The following RBFOX1 variants were observed in gnomAD, a reference collection of about 807,000 sequenced individuals.
RBFOX1 encodes RNA binding protein fox-1 homolog 1.
Under a neutral mutation model 57.7 loss-of-function variants are expected in RBFOX1, and 8 were observed. The observed-to-expected ratio is 0.14, with a 90% CI of 0.08 to 0.25. RBFOX1 has a LOEUF of 0.25. Among genes scored for constraint, RBFOX1 ranks in the 10% least tolerant of loss-of-function variants. The probability of loss-of-function intolerance (pLI) is 1.00; values close to 1 mark genes in which losing one functional copy is unlikely to be tolerated. For missense variants in RBFOX1, 611 were observed against 548.5 expected, an observed-to-expected ratio of 1.11 and a Z score of -1.14; for synonymous variants, 326 against 222.4, an observed-to-expected ratio of 1.47 and a Z score of -4.15.
At chr16:6,284,714 C>CAT (rs548461848) in intron 1 of RBFOX1, among the ~76,000 whole-genome samples, 49 of 152,162 alleles carry the variant, frequency 3.2e-4, no homozygotes, top group Admixed American at 9.2e-4. Context: ...GTGCAGAATA[C>CAT]CCCTGACCTT....
intron 3 of RBFOX1, among the ~76,000 whole-genome samples, chr16:6,960,973 CA>C (rs1168858782): frequency 0.13 from 4,527 of 36,156 alleles, 101 homozygotes; most frequent in African/African-American, 0.18. Flanking sequence ...ACTGAAAATA[CA>C]AAAAAAAAAA....
chr16:6,837,605 G>A (rs759820939), intron 3 of RBFOX1, among the ~76,000 whole-genome samples: 6 of 152,206 alleles, frequency 3.9e-5, no homozygotes, highest in Non-Finnish European at 8.8e-5. Flanking sequence ...AACAATTTGT[G>A]CAATCTTGGG....
chr16:5,893,610 C>G (rs757721499), intron 4 of RBFOX1, among the ~76,000 whole-genome samples: 6 of 152,072 alleles, frequency 3.9e-5, no homozygotes, highest in Non-Finnish European at 7.4e-5. Flanking sequence ...GGTTCGAGAC[C>G]AACCTGGCCA....
chr16:6,829,489 A>C (rs1464181617), intron 3 of RBFOX1, among the ~76,000 whole-genome samples: 1 of 151,168 alleles, frequency 6.6e-6, no homozygotes. Flanking sequence ...ATTAAAAAAA[A>C]AAAAAACAAA....
intron 4 of RBFOX1, among the ~76,000 whole-genome samples, chr16:7,197,711 T>C (rs1194014523): frequency 6.6e-6 from 1 of 152,166 alleles, no homozygotes. Context: ...AAACTAAATG[T>C]GGTATATCCC....
chr16:7,118,885 A>G lies in RBFOX1; in HGVS notation c.27+66787A>G, dbSNP rs111944032. 8.2e-3 allele frequency among the ~76,000 whole-genome samples: 1,248 copies of G among 152,254 alleles called. 8 individuals carry two copies. Among genetic ancestry groups the G allele is most frequent in the African/African-American group, 0.029 (1,191 of 41,550 alleles). ...TAGAGCACATAGAGAACTTGCTCAG[A>G]TCTCTTAACTGTTGTTGTTCTGGTT... On this transcript the variant is annotated intron_variant, in intron 4 of 15. Transcript: ENST00000550418.
At chr16:6,248,780 A>G (rs549194198) in intron 1 of RBFOX1, among the ~76,000 whole-genome samples, 21 of 152,276 alleles carry the variant, frequency 1.4e-4, no homozygotes, top group African/African-American at 5.1e-4. Context: ...TCACATGCAT[A>G]TTATTTAACC....
intron 2 of RBFOX1, among the ~76,000 whole-genome samples, chr16:6,449,003 T>C (rs1435326020): frequency 6.6e-6 from 1 of 152,162 alleles, no homozygotes; most frequent in Non-Finnish European, 1.5e-5. Context: ...AAACCTACAT[T>C]GAAAAAGAAG....
chr16:6,615,624 T>A (rs2098131022), intron 2 of RBFOX1, among the ~76,000 whole-genome samples: 1 of 152,146 alleles, frequency 6.6e-6, no homozygotes, highest in Non-Finnish European at 1.5e-5. Context: ...AAATTCCTCA[T>A]TTCCTCAAAA....
At chr16:6,560,762 A>T (rs2097169699) in intron 2 of RBFOX1, among the ~76,000 whole-genome samples, 1 of 152,168 alleles carries the variant, frequency 6.6e-6, no homozygotes, top group Admixed American at 6.5e-5. Context: ...TATGTGGTTG[A>T]TGTCTGTCTC....
chr16:6,799,390 C>A (rs1336295333), intron 3 of RBFOX1, among the ~76,000 whole-genome samples: 1 of 152,078 alleles, frequency 6.6e-6, no homozygotes, highest in African/African-American at 2.4e-5. Context: ...ACTGCATTGA[C>A]TTTTGCATTA....
chr16:6,938,800 G>A (rs1335477383), intron 3 of RBFOX1, among the ~76,000 whole-genome samples: 1 of 152,076 alleles, frequency 6.6e-6, no homozygotes, highest in Non-Finnish European at 1.5e-5. Context: ...GGTGTGGTGG[G>A]TTGTGCCTGT....
At chr16:6,853,482 A>G (rs548760805) in intron 3 of RBFOX1, among the ~76,000 whole-genome samples, 2 of 152,196 alleles carry the variant, frequency 1.3e-5, no homozygotes, top group South Asian at 2.1e-4. Flanking sequence ...TGGTGCCTAC[A>G]GTGTGGTGCT....
At position 6,347,705 on chromosome 16, in the gene RBFOX1, C is replaced by A. The variant is rs575552616; in HGVS notation, c.-64+30648C>A. 2.0e-5 allele frequency among the ~76,000 whole-genome samples: 3 copies of A among 152,320 alleles called. No homozygotes were observed. The South Asian group carries it at 6.2e-4, about 32-fold the overall frequency. ...TATTATATCCTATGTTCACAGAGAA[C>A]TTGACACAAATAATATCATAAGACA... On this transcript the variant is annotated intron_variant, in intron 2 of 15. Coordinates refer to ENST00000550418, the MANE Select transcript of RBFOX1 (RefSeq NM_018723.4).
At chr16:6,368,087 A>G (rs75184982) in intron 2 of RBFOX1, among the ~76,000 whole-genome samples, 1 of 152,110 alleles carries the variant, frequency 6.6e-6, no homozygotes, top group South Asian at 2.1e-4. Flanking sequence ...TGTTTCCGTC[A>G]TTTTGTACCC....
chr16:7,236,992 G>A (rs1603427668), intron 4 of RBFOX1, among the ~76,000 whole-genome samples: 1 of 152,206 alleles, frequency 6.6e-6, no homozygotes, highest in Non-Finnish European at 1.5e-5. Flanking sequence ...CTTTGGAAGA[G>A]GCAAGCCGTT....
In RBFOX1 at chr16:7,106,638, C is replaced by T. The variant is rs1170164481; in HGVS notation, c.27+54540C>T. The stretch of plus-strand genomic sequence containing the variant: ...TGGCATAATAATAATAATTTTATTT[C>T]TTGTGTAATGATTTGATTTAATTCA... On this transcript the variant is annotated intron_variant, in intron 4 of 15. Transcript: ENST00000550418. Among the ~76,000 whole-genome samples, 4 of 151,866 alleles carry T rather than the reference C, an allele frequency of 2.6e-5. No individual in the cohort carries two copies. In the East Asian group the frequency reaches 7.7e-4, roughly 29 times the overall value.
chr16:7,526,791 C>G (rs2078805022), intron 5 of RBFOX1, among the ~76,000 whole-genome samples: 1 of 152,202 alleles, frequency 6.6e-6, no homozygotes, highest in Admixed American at 6.5e-5. Flanking sequence ...GAAGTGTTAT[C>G]GTCCCATGTT....
At position 5,620,636 on chromosome 16, in the gene RBFOX1, C is replaced by CA. The variant is rs555446405; in HGVS notation, c.318+21676dup. ...TCCTCACCTCTTCCCATAAGAACAA[C>CA]AGTCTTGTTGGATTAGGGCCACCCT... is the stretch of plus-strand genomic sequence containing the variant. On this transcript the variant is annotated intron_variant, in intron 3 of 19. Transcript: ENST00000641259. Among the ~76,000 whole-genome samples, 40 of 152,232 alleles carry CA rather than the reference C, an allele frequency of 2.6e-4. No homozygotes were observed. In the South Asian group the frequency reaches 8.1e-3, roughly 31 times the overall value.
Sources: gnomAD v4.1 joint callset for allele counts (sites outside exome capture counted in the v4.1 genomes callset) on GRCh38, gnomAD v4.1.1 for gene constraint, MANE v1.5 for transcripts, NCBI Gene and HGNC (gene_info 2026-07-23, HGNC 2026-07-21) for gene names.